SCAPER: variants seen among roughly 807,000 people sequenced by gnomAD.
SCAPER encodes S phase cyclin A-associated protein in the endoplasmic reticulum.
Under a neutral mutation model 182.2 loss-of-function variants are expected in SCAPER, and 98 were observed. The observed-to-expected ratio is 0.54, with a 90% confidence interval of 0.46 to 0.64. SCAPER has a LOEUF of 0.64. Ranked by LOEUF, SCAPER falls within the 30% of genes least tolerant of loss-of-function variation. SCAPER has a pLI of 0.00. For missense variants in SCAPER, 1,432 were observed against 1,690.0 expected, an observed-to-expected ratio of 0.85 and a Z score of 2.68; for synonymous variants, 605 against 564.6, an observed-to-expected ratio of 1.07 and a Z score of -1.01.
At chr15:76,592,029 T>C (rs1242870474) in intron 22 of SCAPER, among the ~76,000 whole-genome samples, 1 of 152,134 alleles carries the variant, frequency 6.6e-6, no homozygotes, top group Non-Finnish European at 1.5e-5. Flanking sequence ...CATTGCACAC[T>C]ACCCTCGGCA....
chr15:76,683,339 A>C lies in SCAPER; in HGVS notation c.2509-17550T>G, dbSNP rs1178528633. Among the ~76,000 whole-genome samples, 4 of 152,314 alleles carry C rather than the reference A, an allele frequency of 2.6e-5. No homozygotes were observed. In the East Asian group the frequency reaches 5.8e-4, roughly 22 times the overall value. ...AAAGACTGGTTCTCCGAATTAACTCAGTCAAACAAAATAAAGAAAAAAGAA... is the reference window on the plus strand; with the variant it reads ...AAAGACTGGTTCTCCGAATTAACTCCGTCAAACAAAATAAAGAAAAAAGAA... On this transcript the variant is annotated intron_variant, in intron 20 of 31. Transcript: ENST00000563290.
chr15:76,590,401 C>T (rs112265848), intron 22 of SCAPER, among the ~76,000 whole-genome samples: 6,739 of 152,102 alleles, frequency 0.044, 326 homozygotes, highest in African/African-American at 0.12. Flanking sequence ...TAACTGTTGG[C>T]AGAGTGTAAA....
At chr15:76,388,373 T>C (rs1204959962) in intron 27 of SCAPER, among the ~76,000 whole-genome samples, 1 of 151,956 alleles carries the variant, frequency 6.6e-6, no homozygotes, top group Non-Finnish European at 1.5e-5. Context: ...GGAGCATCAC[T>C]GGAGCCTAGG....
intron 1 of SCAPER, among the ~76,000 whole-genome samples, chr15:76,886,056 CTTT>C (rs2073822157): frequency 3.9e-5 from 6 of 152,152 alleles, no homozygotes; most frequent in Admixed American, 3.9e-4. Context: ...TACTTTTTAG[CTTT>C]TTAAGACATC....
chr15:76,819,293 G>C (rs1016441502), intron 5 of SCAPER, among the ~76,000 whole-genome samples: 1 of 152,232 alleles, frequency 6.6e-6, no homozygotes, highest in African/African-American at 2.4e-5. Context: ...GCCTCCTCAA[G>C]TGGGTCCCTG....
intron 11 of SCAPER, among the ~76,000 whole-genome samples, 181 bp downstream of exon 11, chr15:76,766,737 T>C (rs1836993240): frequency 6.6e-6 from 1 of 152,224 alleles, no homozygotes; most frequent in Admixed American, 6.5e-5. Flanking sequence ...AACAAAAGAT[T>C]TGCTATTGTT....
intron 15 of SCAPER, among the ~76,000 whole-genome samples, chr15:76,744,630 CAA>C (rs1462872327): frequency 2.6e-5 from 4 of 152,000 alleles, no homozygotes; most frequent in Non-Finnish European, 5.9e-5. Context: ...AGTTAAAAAA[CAA>C]GAGATGCTGG....
At chr15:76,718,322 C>G (rs2060001262) in intron 17 of SCAPER, among the ~76,000 whole-genome samples, 1 of 152,056 alleles carries the variant, frequency 6.6e-6, no homozygotes, top group Non-Finnish European at 1.5e-5. Flanking sequence ...AGAAAAAAAT[C>G]AATAAAACAT....
intron 2 of SCAPER, among the ~76,000 whole-genome samples, chr15:76,882,459 C>T (rs1470986550): frequency 6.6e-6 from 1 of 151,336 alleles, no homozygotes; most frequent in Non-Finnish European, 1.5e-5. Context: ...CCTCTAAGAC[C>T]ATTTTTCAAA....
At chr15:76,497,124 T>TTTTTTTTTTTCC (rs1555456895) in intron 24 of SCAPER, among the ~76,000 whole-genome samples, 1 of 139,426 alleles carries the variant, frequency 7.2e-6, no homozygotes, top group African/African-American at 2.8e-5. Flanking sequence ...TTTTTTTTTT[T>TTTTTTTTTTTCC]CCCAAAACGG....
chr15:76,600,385 A>ATGTG (rs1484037449), intron 22 of SCAPER, among the ~76,000 whole-genome samples: 6 of 38,368 alleles, frequency 1.6e-4, no homozygotes, highest in African/African-American at 2.6e-4. Flanking sequence ...AAGTGTGTGT[A>ATGTG]TATGTGTGTG....
chr15:76,618,975 G>C (rs1397794960), intron 22 of SCAPER, among the ~76,000 whole-genome samples: 3 of 152,156 alleles, frequency 2.0e-5, no homozygotes, highest in African/African-American at 4.8e-5. Context: ...CTCCTGAGTA[G>C]CTGGGATTAC....
chr15:76,378,752 G>A (rs543969870), intron 28 of SCAPER, among the ~76,000 whole-genome samples: 1 of 152,230 alleles, frequency 6.6e-6, no homozygotes, highest in East Asian at 1.9e-4. Flanking sequence ...GGTTTCTCTT[G>A]GAACTCTTGC....
At chr15:76,484,216 G>A (rs2051398824) in intron 24 of SCAPER, among the ~76,000 whole-genome samples, 1 of 152,112 alleles carries the variant, frequency 6.6e-6, no homozygotes, top group Admixed American at 6.5e-5. Context: ...AATGCATATT[G>A]CTAAGTGAAT....
At chr15:76,822,780 A>AAAAGACTGTT (rs1287546083) in intron 5 of SCAPER, among the ~76,000 whole-genome samples, 2 of 152,246 alleles carry the variant, frequency 1.3e-5, no homozygotes, top group Non-Finnish European at 2.9e-5. Flanking sequence ...TTTATGGAAG[A>AAAAGACTGTT]AAAGACTGTT....
At chr15:76,509,697 A>G (rs1597106216) in intron 23 of SCAPER, among the ~76,000 whole-genome samples, 1 of 152,154 alleles carries the variant, frequency 6.6e-6, no homozygotes, top group Non-Finnish European at 1.5e-5. Flanking sequence ...TGCTACCATC[A>G]TTCTTCACAG....
At chr15:76,717,478 T>A (rs908653709) in intron 17 of SCAPER, among the ~76,000 whole-genome samples, 1 of 152,052 alleles carries the variant, frequency 6.6e-6, no homozygotes, top group Non-Finnish European at 1.5e-5. Flanking sequence ...TTACAATAAG[T>A]TTTTAAGGAA....
chr15:76,804,627 G>C lies in SCAPER; in HGVS notation c.400C>G (p.Leu134Val). 6.3e-7 allele frequency: 1 copy of C among 1,595,746 alleles called. No individual in the cohort carries two copies. The highest frequency in any genetic ancestry group is 1.1e-5 in the South Asian group (1 of 88,476). Reference protein sequence around the residue: ...DQSVVECKEVLMMLDNYVRDF... With the variant: ...DQSVVECKEVVMMLDNYVRDF... ...CTTACATAGTTATCCAGCATCATTA[G>C]CACCTCCTAAAAGAAACAAAACAAA... Residue 134 changes from leucine to valine, a missense_variant, in exon 6 of 32, where the codon CTA becomes GTA. Physicochemically the swap from Leu to Val is conservative, Grantham distance 32. This residue lies in a region of SCAPER where 480 missense variants were observed against 510.2 expected (regional missense o/e 0.94). Transcript: ENST00000563290.
At chr15:76,860,379 T>C (rs1479088240) in intron 3 of SCAPER, among the ~76,000 whole-genome samples, 1 of 152,186 alleles carries the variant, frequency 6.6e-6, no homozygotes, top group Non-Finnish European at 1.5e-5. Flanking sequence ...TAAATCCAAT[T>C]TTCCCCTCTA....
Sources: allele counts gnomAD v4.1 joint callset (sites outside exome capture counted in the v4.1 genomes callset), GRCh38; gene constraint gnomAD v4.1.1; regional missense constraint gnomAD v4.1.1; transcripts MANE v1.5; gene names NCBI Gene and HGNC (gene_info 2026-07-23, HGNC 2026-07-21).